SURF2: variants seen among roughly 807,000 people sequenced by gnomAD.
SURF2 encodes surfeit locus protein 2.
In SURF2, 32 loss-of-function variants were observed where a neutral mutation model predicts 26.2. The observed-to-expected ratio is 1.22, with a 90% CI of 0.92 to 1.64. SURF2 has a LOEUF of 1.64. Among genes scored for constraint, SURF2 ranks in the 40% most tolerant of loss-of-function variants. The pLI, the probability that SURF2 is intolerant of heterozygous loss-of-function variation, is 0.00. For synonymous variants in SURF2, 173 were observed against 139.1 expected, an observed-to-expected ratio of 1.24 and a Z score of -1.71; for missense variants, 415 against 341.6, an observed-to-expected ratio of 1.21 and a Z score of -1.69.
At chr9:133,357,909 G>C in intron 3 of SURF2, 95 bp downstream of exon 3, 1 of 1,245,324 alleles carries the variant, frequency 8.0e-7, no homozygotes, top group Non-Finnish European at 1.1e-6. Flanking sequence ...TCGTCCTTCA[G>C]CGATCCGTGT....
At chr9:133,357,522 A>G (rs1252401758) in intron 2 of SURF2, among the ~76,000 whole-genome samples, 189 bp from the exon 3 acceptor site, 1 of 152,198 alleles carries the variant, frequency 6.6e-6, no homozygotes, top group Non-Finnish European at 1.5e-5. Context: ...GGTAAACATT[A>G]AGAGGCTGCA....
Position 133,356,905 on chromosome 9 carries a change from C to A in SURF2, c.79-9C>A. The A allele has an allele frequency of 6.5e-7, 1 of 1,544,470 alleles. No individual in the cohort carries two copies. Among genetic ancestry groups the A allele is most frequent in the Non-Finnish European group, 8.7e-7 (1 of 1,144,182 alleles). On this transcript the variant is annotated splice_polypyrimidine_tract_variant and intron_variant, in intron 1 of 5. Coordinates refer to ENST00000371964, the MANE Select transcript of SURF2 (RefSeq NM_017503.5). ...CCTCCTGACGTCCTGCCCGCCCACG[C>A]GTCCGCAGGTGAGGTGCATCCTGAC...
In SURF2 at chr9:133,360,823, G is replaced by A. The variant is rs1836754499; in HGVS notation, c.688-233G>A. Reference sequence around the variant, plus strand: ...CCTTTGGTAGATAAGCAGGACCAAGGCCAAAAGAGGACAAGGTCCTAATGA... The same window carrying A: ...CCTTTGGTAGATAAGCAGGACCAAGACCAAAAGAGGACAAGGTCCTAATGA... On this transcript the variant is annotated intron_variant, in intron 5 of 5. Transcript: ENST00000371964. 2.0e-5 allele frequency among the ~76,000 whole-genome samples: 3 copies of A among 152,266 alleles called. 1 individual carries two copies. In the South Asian group the frequency reaches 6.2e-4, roughly 32 times the overall value.
chr9:133,356,766 G>C (rs587611088), intron 1 of SURF2, 96 bp downstream of exon 1: 1 of 1,414,216 alleles, frequency 7.1e-7, no homozygotes, highest in African/African-American at 1.5e-5. Flanking sequence ...GCAGGGGAGA[G>C]GGGAGAGGGG....
intron 3 of SURF2, among the ~76,000 whole-genome samples, chr9:133,359,131 CTG>C (rs1836683811): frequency 6.6e-6 from 1 of 152,168 alleles, no homozygotes; most frequent in South Asian, 2.1e-4. Flanking sequence ...TGATGGTGGA[CTG>C]TGGAGCTGAG....
chr9:133,357,356 A>T (rs1316620420), intron 2 of SURF2: 1 of 521,548 alleles, frequency 1.9e-6, no homozygotes, highest in Non-Finnish European at 3.4e-6. Context: ...TTAACCCCAG[A>T]AGGGGTCTTT....
At chr9:133,360,818 C>G (rs2130054570) in intron 5 of SURF2, among the ~76,000 whole-genome samples, 45,163 of 152,224 alleles carry the variant, frequency 0.3, 8,362 homozygotes, top group South Asian at 0.47. Context: ...ATAAGCAGGA[C>G]CAAGGCCAAA....
intron 1 of SURF2, 114 bp from the exon 2 acceptor site, chr9:133,356,800 G>A: frequency 7.0e-7 from 1 of 1,431,694 alleles, no homozygotes; most frequent in Non-Finnish European, 9.2e-7. Context: ...GGGGAGGGCA[G>A]GGGAGAGGGC....
intron 5 of SURF2, among the ~76,000 whole-genome samples, chr9:133,360,640 GCT>G (rs1366661031): frequency 6.6e-6 from 1 of 152,270 alleles, no homozygotes. Flanking sequence ...TGGAAGCCAG[GCT>G]CTGTGGACCA....
Position 133,356,630 on chromosome 9 carries a change from G to T in SURF2, c.38G>T (p.Arg13Leu), listed in dbSNP as rs782566929. The T allele has an allele frequency of 1.3e-6, 2 of 1,526,366 alleles. No homozygotes were observed. The highest frequency in any genetic ancestry group is 1.7e-6 in the Non-Finnish European group (2 of 1,143,708). 94.6% of individuals were successfully genotyped at this position (1,526,366 alleles called of 1,614,324 possible). Residue 13 changes from arginine (R) to leucine (L), a missense_variant, in exon 1 of 6, where the codon CGG becomes CTG. Transcript: ENST00000371964. ...CCGGGCGACGTGCGGGCGTTTCTGC[G>T]GGAGCACCCGAGCCTGCGGCTCCAG... ...ELPGDVRAFL[R>L]EHPSLRLQTD...
chr9:133,360,086 G>A lies in SURF2; in HGVS notation c.474G>A (p.Glu158=). Residue 158 remains glutamate (E), a synonymous_variant, in exon 4 of 6, where the codon GAG becomes GAA. Transcript: ENST00000371964. The part of the protein sequence containing the change: ...EAFWEPTSSD[E]GGAASDDSMT... ...TCTGGGAGCCCACATCCAGTGATGA[G>A]GGGGGAGCTGCAAGTGATGACAGCA... 6.2e-7 allele frequency: 1 copy of A among 1,613,446 alleles called. No homozygotes were observed. Among genetic ancestry groups the A allele is most frequent in the Non-Finnish European group, 8.5e-7 (1 of 1,179,624 alleles).
At position 133,360,400 on chromosome 9, in the gene SURF2, C is replaced by T; in HGVS notation, c.653C>T (p.Thr218Ile). The T allele has an allele frequency of 3.1e-6, 5 of 1,612,420 alleles. No individual in the cohort carries two copies. The highest frequency in any genetic ancestry group is 4.2e-6 in the Non-Finnish European group (5 of 1,179,894). Residue 218 changes from threonine to isoleucine, a missense_variant, in exon 5 of 6, where the codon ACC (threonine) becomes ATC (isoleucine). Coordinates refer to ENST00000371964, the MANE Select transcript of SURF2 (RefSeq NM_017503.5). ...ACTGATGAGGGCAGGAGAGAGACGA[C>T]CGTGTACCGAGGGCTGGTCCAGAAG... The part of the protein sequence containing the change: ...KATDEGRRET[T>I]VYRGLVQKRG...
intron 3 of SURF2, among the ~76,000 whole-genome samples, chr9:133,359,477 ACCC>A (rs1183705995): frequency 1.3e-5 from 2 of 152,102 alleles, no homozygotes; most frequent in African/African-American, 2.4e-5. Context: ...CTCCCTTCTC[ACCC>A]ACTAAGGGGC....
chr9:133,357,804 T>C lies in SURF2; in HGVS notation c.327T>C (p.Ala109=). The change falls in exon 3 of 6, where the codon GCT becomes GCC. Residue 109 remains alanine (A), a synonymous_variant. Coordinates refer to ENST00000371964, the MANE Select transcript of SURF2 (RefSeq NM_017503.5). ...CCCAGGGCCGGCGGTACCAGCGAGC[T>C]CTGTGTAAATGTAAGTCCCAGTGGA... The part of the protein sequence containing the change: ...RHTQGRRYQR[A]LCKYEECQKQ... 1.9e-6 allele frequency: 3 copies of C among 1,613,426 alleles called. No homozygotes were observed. Among genetic ancestry groups the C allele is most frequent in the Non-Finnish European group, 2.5e-6 (3 of 1,179,992 alleles).
chr9:133,356,936 A>AGGTCG lies in SURF2; in HGVS notation c.101_102insGGTCG (p.His34GlnfsTer67). 1 of 1,564,668 alleles carries AGGTCG rather than the reference A, an allele frequency of 6.4e-7. No individual in the cohort carries two copies. ...CAGGTGAGGTGCATCCTGACAGGTCACGAGCTGCCCTGCCGCCTGCCGGAG... is the reference window on the plus strand; with the variant it reads ...CAGGTGAGGTGCATCCTGACAGGTCAGGTCGCGAGCTGCCCTGCCGCCTGCCGGAG... On this transcript the variant is annotated frameshift_variant, in exon 2 of 6. Coordinates refer to ENST00000371964, the MANE Select transcript of SURF2 (RefSeq NM_017503.5). LOFTEE classifies it high-confidence loss of function.
intron 3 of SURF2, 101 bp from the exon 4 acceptor site, chr9:133,359,849 G>T: frequency 7.3e-7 from 1 of 1,379,250 alleles, no homozygotes; most frequent in East Asian, 2.5e-5. Flanking sequence ...GGGCGGTGGG[G>T]CTGTGGGGCC....
chr9:133,361,082 G>C lies in SURF2; in HGVS notation c.714G>C (p.Lys238Asn), dbSNP rs1193221116. The C allele has an allele frequency of 5.0e-6, 8 of 1,614,030 alleles. No individual in the cohort carries two copies. The highest frequency in any genetic ancestry group is 6.8e-6 in the Non-Finnish European group (8 of 1,180,006). ...GKKQLGSLKK[K>N]FKSHHRKPKS... ...AGCAGTTGGGCTCGTTGAAAAAGAA[G>C]TTCAAGAGTCATCACCGCAAACCCA... Residue 238 changes from lysine to asparagine, a missense_variant, in exon 6 of 6, where the codon AAG becomes AAC. Lys to Asn is a moderately conservative substitution (Grantham distance 94). Coordinates refer to ENST00000371964, the MANE Select transcript of SURF2 (RefSeq NM_017503.5).
In SURF2 at chr9:133,356,619, G is replaced by C. The variant is rs2130028838; in HGVS notation, c.27G>C (p.Arg9=). The change falls in exon 1 of 6, where the codon CGG becomes CGC. Residue 9 remains arginine, a synonymous_variant. Transcript: ENST00000371964. MSELPGDV[R]AFLREHPSLR... ...TGAGCGAGTTGCCGGGCGACGTGCG[G>C]GCGTTTCTGCGGGAGCACCCGAGCC... The C allele has an allele frequency of 2.0e-6, 3 of 1,526,090 alleles. No individual in the cohort carries two copies. The highest frequency in any genetic ancestry group is 2.4e-5 in the South Asian group (2 of 83,334). 94.5% of individuals were successfully genotyped at this position (1,526,090 alleles called of 1,614,324 possible). A position where few individuals can be genotyped will look rare whatever the true frequency, so the allele number is the denominator to read the frequency against.
chr9:133,357,917 T>C, intron 3 of SURF2, 103 bp downstream of exon 3: 1 of 1,098,510 alleles, frequency 9.1e-7, no homozygotes, highest in Non-Finnish European at 1.3e-6. Context: ...CAGCGATCCG[T>C]GTTGATGCAT....
Sources: gnomAD v4.1 joint callset for allele counts (sites outside exome capture counted in the v4.1 genomes callset) on GRCh38, gnomAD v4.1.1 for gene constraint, MANE v1.5 for transcripts, NCBI Gene and HGNC (gene_info 2026-07-23, HGNC 2026-07-21) for gene names.